The following DGKA variants were observed in gnomAD, a reference collection of about 807,000 sequenced individuals.
DGKA encodes diacylglycerol kinase alpha.
DGKA carries 35 observed loss-of-function variants against 105.0 expected under a neutral mutation model. That is an observed-to-expected ratio of 0.33 (90% CI 0.25 to 0.44). The LOEUF (loss-of-function observed/expected upper bound fraction) is 0.44, where lower values mean the gene tolerates loss of function less well. Ranked by LOEUF, DGKA falls within the 20% of genes least tolerant of loss-of-function variation. The pLI, the probability that DGKA is intolerant of heterozygous loss-of-function variation, is 1.00. For missense variants in DGKA, 665 were observed against 915.0 expected (o/e 0.73, Z 3.53); for synonymous variants, 296 against 332.0 (o/e 0.89, Z 1.18).
chr12:55,938,767 T>C (rs1288105025), intron 6 of DGKA, 148 bp from the exon 7 acceptor site: 1 of 1,533,374 alleles, frequency 6.5e-7, no homozygotes. Flanking sequence ...CTTACAAACA[T>C]ACAAACACAT....
At chr12:55,936,959 T>C in intron 2 of DGKA, 58 bp from the exon 3 acceptor site, 1 of 1,461,208 alleles carries the variant, frequency 6.8e-7, no homozygotes, top group South Asian at 1.1e-5. Flanking sequence ...TGGATTTCTC[T>C]GGCAAGAGAA....
At chr12:55,947,953 C>A (rs1005415994) in intron 17 of DGKA, among the ~76,000 whole-genome samples, 5 of 152,048 alleles carry the variant, frequency 3.3e-5, no homozygotes, top group African/African-American at 1.2e-4. Context: ...CCACGCCTGG[C>A]TAATTTTTTG....
At chr12:55,936,962 C>G in intron 2 of DGKA, 55 bp from the exon 3 acceptor site, 1 of 1,478,092 alleles carries the variant, frequency 6.8e-7, no homozygotes, top group Non-Finnish European at 9.5e-7. Context: ...ATTTCTCTGG[C>G]AAGAGAACTC....
chr12:55,940,935 G>C lies in DGKA; in HGVS notation c.1056G>C (p.Gln352His). The C allele has an allele frequency of 1.2e-6, 2 of 1,614,194 alleles. No individual in the cohort carries two copies. Among genetic ancestry groups the C allele is most frequent in the East Asian group, 4.5e-5 (2 of 44,888 alleles). ...GPDRKNSKTS[Q>H]KTMDDLNLST... ...ATCGTAAAAATAGCAAAACAAGCCA[G>C]AAGACCATGGATGATTTAAATTTGA... The change falls in exon 13 of 24, where the codon CAG becomes CAC. Residue 352 changes from glutamine to histidine, a missense_variant. By Grantham distance (24) the Gln-to-His change is conservative (BLOSUM62 0). Coordinates refer to ENST00000331886, the MANE Select transcript of DGKA (RefSeq NM_001345.5). This position sits in a 1 kb window ranked among gnomAD's most constrained non-coding sequence, Gnocchi z 4.3.
Position 55,940,548 on chromosome 12 carries a change from T to C in DGKA, c.919-76T>C. The C allele has an allele frequency of 6.4e-7, 1 of 1,562,062 alleles. No homozygotes were observed. On this transcript the variant is annotated intron_variant, in intron 11 of 23. Coordinates refer to ENST00000331886, the MANE Select transcript of DGKA (RefSeq NM_001345.5). The surrounding 1 kb of genome is among the most constrained non-coding windows in gnomAD (Gnocchi z 4.3). ...CAGTTGCCCCTGCTCCCAAGGGCTCTTTCCAGCCCAGACTGCCAGGTTGAG... is the reference window on the plus strand; with the variant it reads ...CAGTTGCCCCTGCTCCCAAGGGCTCCTTCCAGCCCAGACTGCCAGGTTGAG...
intron 17 of DGKA, among the ~76,000 whole-genome samples, chr12:55,945,433 C>T (rs1279299387): frequency 2.6e-5 from 4 of 152,138 alleles, no homozygotes; most frequent in South Asian, 2.1e-4. Context: ...TTGCTGCTGT[C>T]GCCAATTACC....
Position 55,932,191 on chromosome 12 carries a change from C to T in DGKA, c.-82+847C>T. 3.4e-6 allele frequency: 1 copy of T among 296,568 alleles called. No individual in the cohort carries two copies. The allele number at this position is 296,568 out of a possible 1,614,324, so 18.4% of individuals were successfully genotyped here. A position where few individuals can be genotyped will look rare whatever the true frequency, so the allele number is the denominator to read the frequency against. Reference sequence around the variant, plus strand: ...CGGAAAAGGACAGGGGTAGGGAAGCCGAGGACCCACGGGCTGCGTTCGTGC... The same window carrying T: ...CGGAAAAGGACAGGGGTAGGGAAGCTGAGGACCCACGGGCTGCGTTCGTGC... On this transcript the variant is annotated intron_variant, in intron 1 of 23. Transcript: ENST00000331886. The surrounding 1 kb of genome is among the most constrained non-coding windows in gnomAD (Gnocchi z 4.3).
intron 6 of DGKA, 152 bp from the exon 7 acceptor site, chr12:55,938,763 A>G: frequency 1.3e-6 from 2 of 1,530,140 alleles, no homozygotes; most frequent in South Asian, 2.5e-5. Flanking sequence ...CTGCCTTACA[A>G]ACATACAAAC....
At chr12:55,941,157 G>A in intron 13 of DGKA, 95 bp from the exon 14 acceptor site, 2 of 1,401,296 alleles carry the variant, frequency 1.4e-6, no homozygotes, top group South Asian at 1.3e-5. Context: ...GAAATATCTT[G>A]GTGGAATGCT....
intron 17 of DGKA, among the ~76,000 whole-genome samples, chr12:55,944,890 C>T (rs79480453): frequency 0.02 from 2,985 of 152,268 alleles, 111 homozygotes; most frequent in African/African-American, 0.069. Flanking sequence ...ACTTCTACCT[C>T]GCAGGTTCCG....
intron 22 of DGKA, 83 bp from the exon 23 acceptor site, chr12:55,953,267 A>G: frequency 1.2e-6 from 2 of 1,611,632 alleles, no homozygotes; most frequent in Non-Finnish European, 1.7e-6. Context: ...CTCAATGACA[A>G]AAGGTCTCAA....
intron 22 of DGKA, 42 bp from the exon 23 acceptor site, chr12:55,953,308 C>T (rs200467031): frequency 8.1e-6 from 13 of 1,612,630 alleles, no homozygotes; most frequent in East Asian, 6.7e-5. Context: ...TTTTGGTATT[C>T]GATTGGTAAG....
rs1423007491 is a variant in DGKA, at chr12:55,942,157, T to C, written c.1337-17T>C. The stretch of plus-strand genomic sequence containing the variant: ...AGAGCTAACTCACTCCATCCTTCTC[T>C]TCACCTGCCTCCGCAGACAAAGCTA... On this transcript the variant is annotated splice_polypyrimidine_tract_variant and intron_variant, in intron 16 of 23. Coordinates refer to ENST00000331886, the MANE Select transcript of DGKA (RefSeq NM_001345.5). The C allele has an allele frequency of 6.2e-7, 1 of 1,614,078 alleles. No individual in the cohort carries two copies. Among genetic ancestry groups the C allele is most frequent in the African/African-American group, 1.3e-5 (1 of 74,936 alleles).
intron 17 of DGKA, among the ~76,000 whole-genome samples, chr12:55,948,461 C>T (rs1196327967): frequency 6.6e-6 from 1 of 151,944 alleles, no homozygotes; most frequent in Non-Finnish European, 1.5e-5. Flanking sequence ...AACATGGTGG[C>T]TCACACCTGT....
At chr12:55,930,086 T>C (rs939271107), upstream of DGKA, among the ~76,000 whole-genome samples, 2 of 152,162 alleles carry the variant, frequency 1.3e-5, no homozygotes, top group African/African-American at 2.4e-5. Flanking sequence ...TAGGCAGAGG[T>C]GTTAGGGGAC....
intron 17 of DGKA, among the ~76,000 whole-genome samples, chr12:55,947,760 C>T (rs556339726): frequency 2.0e-5 from 3 of 152,220 alleles, no homozygotes; most frequent in East Asian, 3.9e-4. Context: ...AGTAGAATTG[C>T]TTACTCGGAG....
upstream of DGKA, chr12:55,929,180 C>T (rs1173176990): frequency 6.6e-6 from 1 of 152,096 alleles, no homozygotes; most frequent in East Asian, 1.9e-4. Flanking sequence ...GCATACGATA[C>T]ACTGTTATTG....
chr12:55,953,180 G>T lies in DGKA; in HGVS notation c.2063+20G>T. 1 of 1,613,994 alleles carries T rather than the reference G, an allele frequency of 6.2e-7. No homozygotes were observed. Among genetic ancestry groups the T allele is most frequent in the Non-Finnish European group, 8.5e-7 (1 of 1,179,984 alleles). Reference sequence around the variant, plus strand: ...CTTCCAGTAAGGAAGACTCCACCAGGGTCCCTGAGGGAAGGTGTGGGGCTG... The same window carrying T: ...CTTCCAGTAAGGAAGACTCCACCAGTGTCCCTGAGGGAAGGTGTGGGGCTG... On this transcript the variant is annotated intron_variant, in intron 22 of 23. Coordinates refer to ENST00000331886, the MANE Select transcript of DGKA (RefSeq NM_001345.5).
At chr12:55,933,769 T>C (rs1884111686) in intron 1 of DGKA, among the ~76,000 whole-genome samples, 1 of 152,194 alleles carries the variant, frequency 6.6e-6, no homozygotes, top group Non-Finnish European at 1.5e-5. Flanking sequence ...ACAACTGGGC[T>C]TCACTGATGC....
Sources: allele counts gnomAD v4.1 joint callset (sites outside exome capture counted in the v4.1 genomes callset), GRCh38; gene constraint gnomAD v4.1.1; non-coding constraint Gnocchi (gnomAD v3.1); transcripts MANE v1.5; gene names NCBI Gene and HGNC (gene_info 2026-07-23, HGNC 2026-07-21).